Variants in TCHP observed in about 807,000 individuals in gnomAD.
TCHP encodes trichoplein keratin filament-binding protein.
A neutral mutation model predicts 88.7 loss-of-function variants in TCHP; 81 were observed. That is an observed-to-expected ratio of 0.91 (90% CI 0.76 to 1.10). TCHP has a LOEUF of 1.10. Among genes scored for constraint, TCHP ranks in the 50% least tolerant of loss-of-function variants. The pLI is 0.00. For synonymous variants in TCHP, 232 were observed against 232.5 expected, an observed-to-expected ratio of 1.00 and a Z score of 0.02; for missense variants, 641 against 632.1, an observed-to-expected ratio of 1.01 and a Z score of -0.15.
At chr12:109,885,496 T>C in the TCHP span, among the ~76,000 whole-genome samples, 1 of 150,184 alleles carries the variant, frequency 6.7e-6, no homozygotes, top group Non-Finnish European at 1.5e-5. Context: ...TTTTTTTTTT[T>C]TTTTGAGACG....
In TCHP at chr12:109,913,057, C is replaced by G; in HGVS notation, c.1119C>G (p.Asp373Glu). The change falls in exon 10 of 13, where the codon GAC becomes GAG. Residue 373 changes from aspartate to glutamate, a missense_variant. Physicochemically the swap from Asp to Glu is conservative, Grantham distance 45. Transcript: ENST00000405876. The part of the protein sequence containing the change: ...AEWARERSAR[D>E]RLMSEVLTGR... ...GGGCCCGAGAGCGCAGCGCACGGGA[C>G]AGACTGATGAGCGAGGTAATCCCAG... 6.2e-7 allele frequency: 1 copy of G among 1,613,848 alleles called. No homozygotes were observed. Among genetic ancestry groups the G allele is most frequent in the Non-Finnish European group, 8.5e-7 (1 of 1,179,992 alleles).
rs1253776668 is a variant in TCHP at position 109,905,785 on chromosome 12, A to C, written c.457-787A>C. 6.6e-6 allele frequency among the ~76,000 whole-genome samples: 1 copy of C among 152,242 alleles called. No homozygotes were observed. The highest frequency in any genetic ancestry group is 2.4e-5 in the African/African-American group (1 of 41,470). ...TAGCCCTGTTGGCTTCGGTGGAATC[A>C]TCCAGAGCCGTTAAATCAGAAAAGT... On this transcript the variant is annotated intron_variant, in intron 4 of 12. Transcript: ENST00000405876. This position sits in a 1 kb window ranked among gnomAD's most constrained non-coding sequence, Gnocchi z 4.0.
chr12:109,914,820 G>A lies in TCHP; in HGVS notation c.1320+193G>A, dbSNP rs1054927292. The A allele has an allele frequency of 7.2e-5, 40 of 553,772 alleles. 1 individual carries two copies. Among genetic ancestry groups the A allele is most frequent in the East Asian group, 3.8e-4 (12 of 31,764 alleles). The allele number at this position is 553,772 out of a possible 1,614,324, so 34.3% of individuals were successfully genotyped here. A position where few individuals can be genotyped will look rare whatever the true frequency, so the allele number is the denominator to read the frequency against. On this transcript the variant is annotated intron_variant, in intron 11 of 12. Transcript: ENST00000405876. ...TCTTTCCCTCCACATCCTCCATGTCGTGTGGGTGAGGCCGGTACTGCTGTC... is the reference window on the plus strand; with the variant it reads ...TCTTTCCCTCCACATCCTCCATGTCATGTGGGTGAGGCCGGTACTGCTGTC...
At chr12:109,885,680 A>G in the TCHP span, among the ~76,000 whole-genome samples, 1 of 151,570 alleles carries the variant, frequency 6.6e-6, no homozygotes, top group Admixed American at 6.6e-5. Context: ...ACAGGGTTTC[A>G]CCGTGTTAGC....
chr12:109,915,184 C>T (rs1391721156), intron 11 of TCHP: 15 of 628,272 alleles, frequency 2.4e-5, no homozygotes, highest in Non-Finnish European at 1.7e-5. Flanking sequence ...ACGAGGTAAG[C>T]GCCACGCATA....
chr12:109,906,723 C>T (rs1302967919), intron 5 of TCHP, 83 bp downstream of exon 5: 9 of 1,137,560 alleles, frequency 7.9e-6, no homozygotes, highest in East Asian at 4.7e-5. Context: ...CCGTTTTCAG[C>T]ATCAGTGACT....
the TCHP span, among the ~76,000 whole-genome samples, chr12:109,887,416 A>C: frequency 6.6e-6 from 1 of 151,696 alleles, no homozygotes; most frequent in Admixed American, 6.6e-5. Context: ...TCTCAAAAAA[A>C]AAAAAACAAA....
intron 10 of TCHP, 104 bp from the exon 11 acceptor site, chr12:109,914,338 G>A: frequency 9.3e-7 from 1 of 1,074,372 alleles, no homozygotes; most frequent in African/African-American, 1.6e-5. Flanking sequence ...GAGGCCCAAG[G>A]ATGAGGCTGG....
chr12:109,886,565 T>C, the TCHP span, among the ~76,000 whole-genome samples: 1 of 152,170 alleles, frequency 6.6e-6, no homozygotes, highest in Non-Finnish European at 1.5e-5. Context: ...GCACAAGATA[T>C]TCCAAGCTTA....
intron 5 of TCHP, 35 bp from the exon 6 acceptor site, chr12:109,907,491 C>T: frequency 6.3e-7 from 1 of 1,593,418 alleles, no homozygotes; most frequent in Non-Finnish European, 8.5e-7. Flanking sequence ...GCTTACGGTA[C>T]AGATATTGAC....
At chr12:109,897,685 C>G (rs533150237), upstream of TCHP, among the ~76,000 whole-genome samples, 15 of 152,052 alleles carry the variant, frequency 9.9e-5, no homozygotes, top group Non-Finnish European at 1.9e-4. Context: ...CTCAGCCTCC[C>G]GAGCTGGGAT....
chr12:109,881,378 A>G, the TCHP span, among the ~76,000 whole-genome samples: 1 of 152,088 alleles, frequency 6.6e-6, no homozygotes, highest in African/African-American at 2.4e-5. Context: ...CATCCTCTCC[A>G]TTTGCACATC....
Position 109,903,253 on chromosome 12 carries a change from AC to A in TCHP, c.188+41del. 6.4e-7 allele frequency: 1 copy of A among 1,562,768 alleles called. No individual in the cohort carries two copies. Among genetic ancestry groups the A allele is most frequent in the Non-Finnish European group, 8.8e-7 (1 of 1,141,282 alleles). On this transcript the variant is annotated intron_variant, in intron 2 of 12. Coordinates refer to ENST00000405876, the MANE Select transcript of TCHP (RefSeq NM_001143852.2). The surrounding 1 kb of genome is among the most constrained non-coding windows in gnomAD (Gnocchi z 4.6). ...AACTGCCGATTGGATGGAAGTGGGG[AC>A]CACTTGCTGGTCAGGGGATGAGGCC... is the stretch of plus-strand genomic sequence containing the variant.
rs1032300754 is a variant in TCHP at position 109,903,674 on chromosome 12, G to C, written c.189-263G>C. ...CTTTGGTTTCCTCATCAATCAAGTG[G>C]GGCTACAGCAGACCTATGCTGTAGG... is the stretch of plus-strand genomic sequence containing the variant. On this transcript the variant is annotated intron_variant, in intron 2 of 12. Transcript: ENST00000405876. This position sits in a 1 kb window ranked among gnomAD's most constrained non-coding sequence, Gnocchi z 4.6. Among the ~76,000 whole-genome samples, 2 of 152,106 alleles carry C rather than the reference G, an allele frequency of 1.3e-5. No homozygotes were observed. The highest frequency in any genetic ancestry group is 4.8e-5 in the African/African-American group (2 of 41,408).
intron 10 of TCHP, among the ~76,000 whole-genome samples, chr12:109,913,884 C>T (rs1870647540): frequency 1.3e-5 from 2 of 152,188 alleles, no homozygotes; most frequent in South Asian, 4.1e-4. Flanking sequence ...CTGATGGCGG[C>T]CACTTTCTGT....
At chr12:109,883,669 C>T in the TCHP span, among the ~76,000 whole-genome samples, 1 of 152,164 alleles carries the variant, frequency 6.6e-6, no homozygotes, top group African/African-American at 2.4e-5. Context: ...ACAGAGATTG[C>T]ACCCTATGTG....
rs1197944775 is a variant in TCHP, at chr12:109,915,391, C to G, written c.1321-12C>G. 6 of 1,614,132 alleles carry G rather than the reference C, an allele frequency of 3.7e-6. No individual in the cohort carries two copies. Among genetic ancestry groups the G allele is most frequent in the Non-Finnish European group, 5.1e-6 (6 of 1,180,044 alleles). ...CTTGTCTTGGGGTGGTGACTTTGCT[C>G]TTGGCACTCAGGTTGCAGAGCGCCG... On this transcript the variant is annotated splice_polypyrimidine_tract_variant and intron_variant, in intron 11 of 12. Transcript: ENST00000405876.
Position 109,903,356 on chromosome 12 carries a change from G to GA in TCHP, c.188+149dup, listed in dbSNP as rs1869928399. ...GGTGATGTTTTTCCAGCTGGAAATG[G>GA]AAAAAAAGATCATCAGTGCAGCCAT... On this transcript the variant is annotated intron_variant, in intron 2 of 12. Transcript: ENST00000405876. The surrounding 1 kb of genome is among the most constrained non-coding windows in gnomAD (Gnocchi z 4.6). 5 of 738,366 alleles carry GA rather than the reference G, an allele frequency of 6.8e-6. No homozygotes were observed. The highest frequency in any genetic ancestry group is 2.2e-5 in the South Asian group (1 of 44,740). The allele number at this position is 738,366 out of a possible 1,614,324, so 45.7% of individuals were successfully genotyped here.
intron 12 of TCHP, 65 bp downstream of exon 12, chr12:109,915,611 CT>C (rs1870771644): frequency 1.3e-6 from 2 of 1,518,030 alleles, no homozygotes; most frequent in South Asian, 2.6e-5. Context: ...CCCTGCTCCC[CT>C]GGGCCTGCTC....
Sources: allele counts gnomAD v4.1 joint callset (sites outside exome capture counted in the v4.1 genomes callset), GRCh38; gene constraint gnomAD v4.1.1; non-coding constraint Gnocchi (gnomAD v3.1); transcripts MANE v1.5; gene names NCBI Gene and HGNC (gene_info 2026-07-23, HGNC 2026-07-21).